Variants in RALGAPB observed in about 807,000 individuals in gnomAD.
RALGAPB encodes the protein Ral GTPase activating protein non-catalytic subunit beta, also known as ral GTPase-activating protein subunit beta.
RALGAPB carries 25 observed loss-of-function variants against 161.1 expected under a neutral mutation model. That is an observed-to-expected ratio of 0.16 (90% CI 0.11 to 0.22). The LOEUF (loss-of-function observed/expected upper bound fraction) is 0.22, where lower values mean the gene tolerates loss of function less well. Ranked by LOEUF, RALGAPB falls within the 10% of genes least tolerant of loss-of-function variation. The pLI is 1.00. For synonymous variants in RALGAPB, 629 were observed against 626.1 expected (o/e 1.00, Z -0.07); for missense variants, 1,391 against 1,815.2 (o/e 0.77, Z 4.25).
intron 17 of RALGAPB, 102 bp from the exon 18 acceptor site, chr20:38,540,939 C>T: frequency 8.0e-7 from 1 of 1,256,578 alleles, no homozygotes; most frequent in Non-Finnish European, 1.1e-6. Flanking sequence ...AAACTGGAGC[C>T]CTTCCACCAA....
chr20:38,526,051 T>G lies in RALGAPB; in HGVS notation c.2050+9T>G, dbSNP rs1315076070. The G allele has an allele frequency of 6.2e-7, 1 of 1,613,356 alleles. No individual in the cohort carries two copies. The highest frequency in any genetic ancestry group is 1.1e-5 in the South Asian group (1 of 90,836). On this transcript the variant is annotated intron_variant, in intron 13 of 29. Coordinates refer to ENST00000262879, the MANE Select transcript of RALGAPB (RefSeq NM_020336.4). The stretch of plus-strand genomic sequence containing the variant: ...CACCCAAATGATATTAGGTTTGTAT[T>G]CACACGTTATTTTGTAAGTGAAACC...
intron 13 of RALGAPB, among the ~76,000 whole-genome samples, chr20:38,529,808 T>A (rs1228096896): frequency 6.6e-6 from 1 of 152,136 alleles, no homozygotes; most frequent in East Asian, 1.9e-4. Flanking sequence ...GCTACTGGAC[T>A]CCAGCCTGGG....
rs368663795 is a variant in RALGAPB at position 38,516,247 on chromosome 20, G to C, written c.928G>C (p.Glu310Gln). Residue 310 changes from glutamate to glutamine, a missense_variant, in exon 7 of 30, where the codon GAA becomes CAA. Glu to Gln is a conservative substitution (Grantham distance 29, BLOSUM62 2). Coordinates refer to ENST00000262879, the MANE Select transcript of RALGAPB (RefSeq NM_020336.4). ...TATAAGCTCTACTCCCAAATTTCAG[G>C]AACAGTTCTTGAATGTGAGCGGAAT... ...AIISSTPKFQ[E>Q]QFLNVSGMPQ... The C allele has an allele frequency of 8.1e-6, 13 of 1,612,758 alleles. No individual in the cohort carries two copies. The highest frequency in any genetic ancestry group is 1.1e-5 in the Non-Finnish European group (13 of 1,179,252).
chr20:38,492,603 G>A (rs1477885468), intron 2 of RALGAPB, among the ~76,000 whole-genome samples: 1 of 152,018 alleles, frequency 6.6e-6, no homozygotes, highest in Non-Finnish European at 1.5e-5. Flanking sequence ...GTTCTATTTT[G>A]CATATCTAAT....
At chr20:38,513,472 G>A (rs1241888931) in intron 6 of RALGAPB, among the ~76,000 whole-genome samples, 4 of 151,056 alleles carry the variant, frequency 2.6e-5, no homozygotes, top group South Asian at 4.2e-4. Context: ...GAGCGGCGGC[G>A]GTGGGGGGTG....
intron 19 of RALGAPB, chr20:38,547,001 CAACCCCTA>C (rs985763540): frequency 6.5e-6 from 1 of 152,956 alleles, no homozygotes; most frequent in Non-Finnish European, 1.5e-5. Flanking sequence ...CTGATTCCCT[CAACCCCTA>C]AACCCCTTGC....
intron 4 of RALGAPB, among the ~76,000 whole-genome samples, chr20:38,498,310 C>T (rs887570294): frequency 1.3e-5 from 2 of 152,170 alleles, no homozygotes; most frequent in Non-Finnish European, 2.9e-5. Flanking sequence ...ATTTCAGAAT[C>T]CCTGCTTTGT....
intron 10 of RALGAPB, 78 bp downstream of exon 10, chr20:38,521,776 T>G: frequency 7.0e-7 from 1 of 1,433,442 alleles, no homozygotes; most frequent in Non-Finnish European, 9.6e-7. Flanking sequence ...ACTGAACCGA[T>G]GAGTGATGTT....
At chr20:38,567,345 C>G (rs545282975) in intron 26 of RALGAPB, 113 bp downstream of exon 26, 1 of 1,319,944 alleles carries the variant, frequency 7.6e-7, no homozygotes, top group Non-Finnish European at 9.9e-7. Context: ...AGTACTGATT[C>G]CTTAGTAACT....
rs773140894 is a variant in RALGAPB at position 38,551,232 on chromosome 20, A to G, written c.3162+9A>G. On this transcript the variant is annotated intron_variant, in intron 21 of 29. Transcript: ENST00000262879. Reference sequence around the variant, plus strand: ...AAATAGTCACTGAAGAAGTAAGTACATTATTTTTAGCTGTTGTCAAGGGGA... The same window carrying G: ...AAATAGTCACTGAAGAAGTAAGTACGTTATTTTTAGCTGTTGTCAAGGGGA... 2.5e-6 allele frequency: 4 copies of G among 1,612,390 alleles called. No individual in the cohort carries two copies. The highest frequency in any genetic ancestry group is 2.2e-5 in the East Asian group (1 of 44,836).
chr20:38,521,274 T>G (rs1327100981), intron 9 of RALGAPB, among the ~76,000 whole-genome samples: 1 of 152,200 alleles, frequency 6.6e-6, no homozygotes, highest in Non-Finnish European at 1.5e-5. Flanking sequence ...TCTTGTACCA[T>G]CTGTTAAACT....
intron 5 of RALGAPB, among the ~76,000 whole-genome samples, chr20:38,502,078 CATA>C (rs755004674): frequency 2.0e-5 from 3 of 152,070 alleles, no homozygotes; most frequent in South Asian, 2.1e-4. Context: ...TGTAAACAAA[CATA>C]AAAGCTGCAG....
chr20:38,532,713 C>G lies in RALGAPB; in HGVS notation c.2116-17C>G, dbSNP rs770547272. ...ACTGTGATGTAATCCTCACTTGATT[C>G]ATTTTCATTTGACTAGGGTGGTGGA... On this transcript the variant is annotated splice_polypyrimidine_tract_variant and intron_variant, in intron 14 of 29. Transcript: ENST00000262879. The G allele has an allele frequency of 1.9e-6, 3 of 1,611,472 alleles. No homozygotes were observed. Among genetic ancestry groups the G allele is most frequent in the South Asian group, 2.2e-5 (2 of 90,982 alleles).
chr20:38,474,425 G>A (rs1488883879), intron 1 of RALGAPB, among the ~76,000 whole-genome samples: 2 of 152,002 alleles, frequency 1.3e-5, no homozygotes, highest in African/African-American at 4.8e-5. Flanking sequence ...AAGTAGCTGG[G>A]ACTACCACGC....
At chr20:38,558,024 C>A (rs1483614468) in intron 22 of RALGAPB, among the ~76,000 whole-genome samples, 1 of 152,120 alleles carries the variant, frequency 6.6e-6, no homozygotes, top group Admixed American at 6.5e-5. Flanking sequence ...AAAGTAAGTT[C>A]TAGAAAGCAC....
chr20:38,484,918 C>T (rs1394270449), intron 1 of RALGAPB, among the ~76,000 whole-genome samples: 1 of 152,118 alleles, frequency 6.6e-6, no homozygotes, highest in East Asian at 1.9e-4. Context: ...TAGTCTCCAA[C>T]TCCCAACCTC....
chr20:38,563,902 A>G (rs1209355809), intron 24 of RALGAPB, among the ~76,000 whole-genome samples: 1 of 152,186 alleles, frequency 6.6e-6, no homozygotes, highest in South Asian at 2.1e-4. Flanking sequence ...CAGAAAGGCA[A>G]TTCCAGGCTT....
rs6070353 is a variant in RALGAPB at position 38,494,545 on chromosome 20, C to T, written c.389+1413C>T. Among the ~76,000 whole-genome samples the T allele has an allele frequency of 9.0e-3, 1,369 of 152,240 alleles. 10 individuals carry two copies. Among genetic ancestry groups the T allele is most frequent in the Non-Finnish European group, 0.015 (1,050 of 68,012 alleles). ...ACATGGGAGGCCGAGGCAGGAGAAT[C>T]GCTTGAATCTGGGAGGCGGAGGTTG... On this transcript the variant is annotated intron_variant, in intron 3 of 29. Coordinates refer to ENST00000262879, the MANE Select transcript of RALGAPB (RefSeq NM_020336.4).
At chr20:38,495,299 T>C (rs927384393) in intron 3 of RALGAPB, among the ~76,000 whole-genome samples, 1 of 148,890 alleles carries the variant, frequency 6.7e-6, no homozygotes, top group Non-Finnish European at 1.5e-5. Context: ...ATCAGTTTGA[T>C]TTTTTTTTTT....
Sources: gnomAD v4.1 joint callset for allele counts (sites outside exome capture counted in the v4.1 genomes callset) on GRCh38, gnomAD v4.1.1 for gene constraint, MANE v1.5 for transcripts, NCBI Gene and HGNC (gene_info 2026-07-23, HGNC 2026-07-21) for gene names.